Variants in KCNH1 observed in about 807,000 individuals in gnomAD.
KCNH1 encodes the protein voltage-gated delayed rectifier potassium channel KCNH1.
Under a neutral mutation model 69.2 loss-of-function variants are expected in KCNH1, and 27 were observed. The observed-to-expected ratio is 0.39, with a 90% CI of 0.29 to 0.54. KCNH1 has a LOEUF of 0.54. KCNH1 is among the 20% of genes least tolerant of loss of function. The probability of loss-of-function intolerance (pLI) is 0.68; values close to 1 mark genes in which losing one functional copy is unlikely to be tolerated. For missense variants in KCNH1, 798 were observed against 1,261.6 expected (o/e 0.63, Z 5.57); for synonymous variants, 456 against 487.7 (o/e 0.93, Z 0.86).
At position 210,983,442 on chromosome 1, in the gene KCNH1, T is replaced by G. The variant is rs566479348; in HGVS notation, c.1032+35341A>C. 5.9e-5 allele frequency among the ~76,000 whole-genome samples: 9 copies of G among 152,344 alleles called. No individual in the cohort carries two copies. The East Asian group carries it at 1.5e-3, about 26-fold the overall frequency. ...GTCTTTAATCCATCTTGAATTAATT[T>G]TTGTGTAAGGTGTAAGGAAGGGATC... On this transcript the variant is annotated intron_variant, in intron 6 of 10. Transcript: ENST00000271751.
chr1:210,854,341 T>G (rs1296148770), intron 7 of KCNH1, among the ~76,000 whole-genome samples: 1 of 152,200 alleles, frequency 6.6e-6, no homozygotes, highest in East Asian at 1.9e-4. Context: ...AACAAATTGC[T>G]TCAGATTAAT....
intron 7 of KCNH1, among the ~76,000 whole-genome samples, chr1:210,895,180 A>G (rs1686839225): frequency 6.7e-6 from 1 of 150,228 alleles, no homozygotes; most frequent in African/African-American, 2.4e-5. Context: ...TTTTTCAGGC[A>G]AGAGGGTAAA....
At chr1:210,832,204 G>A (rs1285059618) in intron 7 of KCNH1, among the ~76,000 whole-genome samples, 1 of 152,054 alleles carries the variant, frequency 6.6e-6, no homozygotes, top group Admixed American at 6.6e-5. Context: ...TTCCTATAAT[G>A]TACTAAAACA....
At chr1:210,966,807 G>A (rs1688413658) in intron 6 of KCNH1, among the ~76,000 whole-genome samples, 1 of 152,194 alleles carries the variant, frequency 6.6e-6, no homozygotes, top group South Asian at 2.1e-4. Flanking sequence ...AGACAGTGTG[G>A]CAATTTCTCA....
chr1:210,887,324 C>A (rs1363829571), intron 7 of KCNH1, among the ~76,000 whole-genome samples: 1 of 152,040 alleles, frequency 6.6e-6, no homozygotes, highest in Non-Finnish European at 1.5e-5. Flanking sequence ...GAAATAAAAT[C>A]CTTTACAGAC....
At chr1:210,860,764 A>C in intron 7 of KCNH1, 1 of 799,476 alleles carries the variant, frequency 1.3e-6, no homozygotes, top group South Asian at 1.3e-5. Flanking sequence ...TCTGTCATCA[A>C]TCAGACATCT....
intron 7 of KCNH1, chr1:210,860,459 C>T: frequency 4.5e-6 from 4 of 885,364 alleles, no homozygotes. Context: ...ATTCCCATAG[C>T]AGTAACTGCT....
intron 5 of KCNH1, among the ~76,000 whole-genome samples, chr1:211,035,311 G>A (rs1002171670): frequency 7.3e-6 from 1 of 136,124 alleles, no homozygotes; most frequent in Admixed American, 7.8e-5. Flanking sequence ...TGCAGTGGCG[G>A]GATCTCGGCT....
rs77613543 is a variant in KCNH1 at position 210,959,848 on chromosome 1, A to G, written c.1033-39779T>C. Among the ~76,000 whole-genome samples the G allele has an allele frequency of 3.0e-3, 455 of 152,092 alleles. 1 individual carries two copies. Among genetic ancestry groups the G allele is most frequent in the African/African-American group, 0.011 (437 of 41,472 alleles). On this transcript the variant is annotated intron_variant, in intron 6 of 10. Transcript: ENST00000271751. ...TTGGCTAGGAAAGGGAAATCCCCCG[A>G]CCCTTTGCACTTCCCAGGTGAGGCA...
At chr1:211,061,962 T>C (rs970635457) in intron 5 of KCNH1, among the ~76,000 whole-genome samples, 1 of 152,000 alleles carries the variant, frequency 6.6e-6, no homozygotes, top group Non-Finnish European at 1.5e-5. Flanking sequence ...ATACAAAAAT[T>C]AATCCTAAAA....
At chr1:210,865,090 G>A (rs1050536287) in intron 7 of KCNH1, among the ~76,000 whole-genome samples, 20 of 152,150 alleles carry the variant, frequency 1.3e-4, no homozygotes, top group Non-Finnish European at 5.9e-5. Context: ...CAGGTTCAAG[G>A]GTAGAGAACA....
At chr1:211,042,171 C>A (rs1690007259) in intron 5 of KCNH1, among the ~76,000 whole-genome samples, 1 of 152,180 alleles carries the variant, frequency 6.6e-6, no homozygotes, top group Non-Finnish European at 1.5e-5. Context: ...AATTAAGTGT[C>A]ATCTCCTTAT....
intron 6 of KCNH1, among the ~76,000 whole-genome samples, chr1:210,962,584 GTTTA>G (rs2102357963): frequency 6.6e-6 from 1 of 151,992 alleles, no homozygotes; most frequent in South Asian, 2.1e-4. Context: ...GATAACTATA[GTTTA>G]TTCATTTTTA....
chr1:210,823,681 A>T (rs1034195031), intron 7 of KCNH1, among the ~76,000 whole-genome samples: 2 of 152,206 alleles, frequency 1.3e-5, no homozygotes, highest in Non-Finnish European at 2.9e-5. Context: ...CAACAATCCT[A>T]TATAGAAGGT....
chr1:210,705,831 C>T (rs1681897033), intron 10 of KCNH1, among the ~76,000 whole-genome samples: 1 of 152,162 alleles, frequency 6.6e-6, no homozygotes, highest in South Asian at 2.1e-4. Flanking sequence ...TGTGTCTCCC[C>T]AGTATCTGGG....
intron 5 of KCNH1, among the ~76,000 whole-genome samples, chr1:211,031,503 T>C (rs1273622335): frequency 6.6e-6 from 1 of 152,134 alleles, no homozygotes; most frequent in Non-Finnish European, 1.5e-5. Flanking sequence ...AATAAAATAC[T>C]GGCAAACTGA....
intron 7 of KCNH1, among the ~76,000 whole-genome samples, chr1:210,911,680 C>G (rs537144592): frequency 9.9e-5 from 15 of 151,316 alleles, no homozygotes; most frequent in Admixed American, 8.6e-4. Flanking sequence ...TTGTGGGTAC[C>G]TATAAGATCA....
intron 7 of KCNH1, among the ~76,000 whole-genome samples, chr1:210,893,307 T>C (rs1686789258): frequency 6.6e-6 from 1 of 152,190 alleles, no homozygotes; most frequent in South Asian, 2.1e-4. Flanking sequence ...AGTTTTCTTT[T>C]AGTACTTTAA....
chr1:210,884,755 C>T (rs539386025), intron 7 of KCNH1, among the ~76,000 whole-genome samples: 2 of 152,286 alleles, frequency 1.3e-5, no homozygotes, highest in East Asian at 1.9e-4. Context: ...AGATATCTCT[C>T]CACAAATTGC....
Sources: allele counts gnomAD v4.1 joint callset (sites outside exome capture counted in the v4.1 genomes callset), GRCh38; gene constraint gnomAD v4.1.1; transcripts MANE v1.5; gene names NCBI Gene and HGNC (gene_info 2026-07-23, HGNC 2026-07-21).